The following DNAAF5 variants were observed in gnomAD, a reference collection of about 807,000 sequenced individuals.
DNAAF5 encodes the protein dynein axonemal assembly factor 5, also known as HEAT repeat containing 2.
DNAAF5 carries 64 observed loss-of-function variants against 75.8 expected under a neutral mutation model. The ratio of observed to expected loss-of-function variants is 0.84; its 90% CI spans 0.69 to 1.04. The LOEUF is 1.04. Ranked by LOEUF, DNAAF5 falls within the 50% of genes least tolerant of loss-of-function variation. The pLI, the probability that DNAAF5 is intolerant of heterozygous loss-of-function variation, is 0.00. For synonymous variants in DNAAF5, 657 were observed against 557.2 expected, an observed-to-expected ratio of 1.18 and a Z score of -2.52; for missense variants, 1,269 against 1,178.5, an observed-to-expected ratio of 1.08 and a Z score of -1.12.
intron 4 of DNAAF5, among the ~76,000 whole-genome samples, chr7:749,944 C>T (rs530089182): frequency 4.1e-4 from 63 of 152,306 alleles, no homozygotes; most frequent in African/African-American, 1.4e-3. Context: ...GGTGATCCAC[C>T]CGCCTTGGCC....
intron 12 of DNAAF5, among the ~76,000 whole-genome samples, chr7:782,763 C>A (rs111467906): frequency 4.8e-5 from 7 of 145,674 alleles, no homozygotes; most frequent in Non-Finnish European, 7.6e-5. Flanking sequence ...GAAACTCGAT[C>A]TTCCTGGCGT....
chr7:759,062 G>C (rs1269768265), intron 6 of DNAAF5, among the ~76,000 whole-genome samples: 1 of 152,164 alleles, frequency 6.6e-6, no homozygotes, highest in African/African-American at 2.4e-5. Flanking sequence ...TCAGGCCCGT[G>C]GTTCTGTGCT....
In DNAAF5 at chr7:737,044, C is replaced by A. The variant is rs546624334; in HGVS notation, c.781-3775C>A. On this transcript the variant is annotated intron_variant, in intron 2 of 12. Coordinates refer to ENST00000297440, the MANE Select transcript of DNAAF5 (RefSeq NM_017802.4). ...AACTTTTTGTTGTTTTTACTTATAT[C>A]TTTGTCTTGAAAAGTCATTGTAGTT... 3.1e-4 allele frequency among the ~76,000 whole-genome samples: 47 copies of A among 151,964 alleles called. 1 individual carries two copies. Among genetic ancestry groups the A allele is most frequent in the Admixed American group, 2.6e-3 (40 of 15,266 alleles).
Position 761,902 on chromosome 7 carries a change from G to A in DNAAF5, c.1614+6G>A. 2 of 1,565,290 alleles carry A rather than the reference G, an allele frequency of 1.3e-6. No homozygotes were observed. The highest frequency in any genetic ancestry group is 2.4e-5 in the South Asian group (2 of 84,972). Reference sequence around the variant, plus strand: ...CTACCGGCCTGAGGGACAAGGTAAGGCTGACAGTGGTGGCTGCTGCTTGAC... The same window carrying A: ...CTACCGGCCTGAGGGACAAGGTAAGACTGACAGTGGTGGCTGCTGCTTGAC... On this transcript the variant is annotated splice_donor_region_variant and intron_variant, in intron 7 of 12. Coordinates refer to ENST00000297440, the MANE Select transcript of DNAAF5 (RefSeq NM_017802.4).
rs1782540842 is a variant in DNAAF5, at chr7:758,003, CCT to C, written c.1470+1010_1470+1011del. Among the ~76,000 whole-genome samples the C allele has an allele frequency of 2.0e-5, 3 of 152,200 alleles. No homozygotes were observed. The South Asian group carries it at 6.2e-4, about 32-fold the overall frequency. On this transcript the variant is annotated intron_variant, in intron 6 of 12. Transcript: ENST00000297440. ...CATTTTTGTAAACTGTTTTAAGAAA[CCT>C]GTAAGCAGTTCCTGGAATACATAGA...
At chr7:732,406 C>T (rs1422934216) in intron 2 of DNAAF5, among the ~76,000 whole-genome samples, 1 of 152,264 alleles carries the variant, frequency 6.6e-6, no homozygotes, top group Non-Finnish European at 1.5e-5. Context: ...TGGACTTCGC[C>T]CTGCAGGGGT....
At chr7:767,470 T>C (rs1423086852) in intron 8 of DNAAF5, among the ~76,000 whole-genome samples, 2 of 152,316 alleles carry the variant, frequency 1.3e-5, no homozygotes, top group South Asian at 2.1e-4. Flanking sequence ...CCCAAAAATA[T>C]GCATCGGGGC....
intron 8 of DNAAF5, among the ~76,000 whole-genome samples, chr7:765,986 G>A (rs574629175): frequency 1.3e-4 from 20 of 152,212 alleles, no homozygotes; most frequent in Non-Finnish European, 2.8e-4. Flanking sequence ...CCACTACCAC[G>A]CCTGGCTAAT....
At chr7:779,848 C>T in intron 11 of DNAAF5, 105 bp from the exon 12 acceptor site, 1 of 977,098 alleles carries the variant, frequency 1.0e-6, no homozygotes, top group South Asian at 1.6e-5. Context: ...TCTTAGGACC[C>T]CAGGGCAGGT....
At chr7:753,699 G>A (rs111837536) in intron 4 of DNAAF5, among the ~76,000 whole-genome samples, 10 of 149,120 alleles carry the variant, frequency 6.7e-5, no homozygotes, top group African/African-American at 5.0e-5. Context: ...GGACGGCTTC[G>A]CAGGCGTGTC....
intron 3 of DNAAF5, 45 bp downstream of exon 3, chr7:740,988 T>C (rs757483743): frequency 2.9e-5 from 46 of 1,598,534 alleles, no homozygotes; most frequent in Non-Finnish European, 3.5e-5. Flanking sequence ...TAAACGGTCA[T>C]GTGTAGCAGT....
At chr7:756,634 C>T in intron 5 of DNAAF5, 148 bp from the exon 6 acceptor site, 1 of 703,030 alleles carries the variant, frequency 1.4e-6, no homozygotes, top group Non-Finnish European at 2.4e-6. Flanking sequence ...TTCCTGAGGG[C>T]TCTGAGCATG....
intron 4 of DNAAF5, among the ~76,000 whole-genome samples, chr7:747,276 G>A (rs79984421): frequency 4.6e-5 from 7 of 152,268 alleles, no homozygotes; most frequent in East Asian, 1.9e-4. Flanking sequence ...TCAGGCCAGC[G>A]TGTGGGGTGG....
chr7:748,630 C>T (rs1782194799), intron 4 of DNAAF5, among the ~76,000 whole-genome samples: 1 of 152,136 alleles, frequency 6.6e-6, no homozygotes, highest in Non-Finnish European at 1.5e-5. Flanking sequence ...CTGTTTCCTC[C>T]TGCCCCCTAC....
intron 4 of DNAAF5, among the ~76,000 whole-genome samples, chr7:745,231 C>T (rs1782046044): frequency 6.6e-6 from 1 of 152,210 alleles, no homozygotes; most frequent in South Asian, 2.1e-4. Flanking sequence ...TCTCCACGTG[C>T]TCACTGAGAA....
chr7:733,560 G>A lies in DNAAF5; in HGVS notation c.780+3713G>A, dbSNP rs1364575101. 2.6e-5 allele frequency among the ~76,000 whole-genome samples: 4 copies of A among 152,010 alleles called. No homozygotes were observed. The East Asian group carries it at 5.8e-4, about 22-fold the overall frequency. On this transcript the variant is annotated intron_variant, in intron 2 of 12. Coordinates refer to ENST00000297440, the MANE Select transcript of DNAAF5 (RefSeq NM_017802.4). ...CATCCAGGGTGGAGTGCAGTGGTGC[G>A]ATCTCTGCTTACTGCAAGCTCCGCC...
Position 737,086 on chromosome 7 carries a change from A to T in DNAAF5, c.781-3733A>T, listed in dbSNP as rs566759689. On this transcript the variant is annotated intron_variant, in intron 2 of 12. Coordinates refer to ENST00000297440, the MANE Select transcript of DNAAF5 (RefSeq NM_017802.4). ...ATTGTAGTTATTTTTATTTTTATTT[A>T]TTTATTTATTTTTATTGTTTTATTT... is the stretch of plus-strand genomic sequence containing the variant. 7.9e-5 allele frequency among the ~76,000 whole-genome samples: 12 copies of T among 151,362 alleles called. No individual in the cohort carries two copies. In the East Asian group the frequency reaches 2.3e-3, roughly 29 times the overall value.
chr7:756,864 C>T lies in DNAAF5; in HGVS notation c.1340C>T (p.Thr447Met), dbSNP rs369586981. 102 of 1,613,780 alleles carry T rather than the reference C, an allele frequency of 6.3e-5. 1 individual carries two copies. In the South Asian group the frequency reaches 1.0e-3, roughly 16 times the overall value. The change falls in exon 6 of 13, where the codon ACG becomes ATG. Residue 447 changes from threonine (T) to methionine (M), a missense_variant. Coordinates refer to ENST00000297440, the MANE Select transcript of DNAAF5 (RefSeq NM_017802.4). The stretch of plus-strand genomic sequence containing the variant: ...CTGATCTTATCGACGCTGAAGAAGA[C>T]GCCCTCTGCCTCCGGCCTCCTGGTG... Reference protein sequence around the residue: ...LKLILSTLKKTPSASGLLVLA... With the variant: ...LKLILSTLKKMPSASGLLVLA...
Position 745,048 on chromosome 7 carries a change from G to C in DNAAF5, c.1024+3583G>C, listed in dbSNP as rs73256297. On this transcript the variant is annotated intron_variant, in intron 4 of 12. Transcript: ENST00000297440. ...TCTGTCAGTGCCTCTCCCTCCAGCC[G>C]CCTGTGGTGGGCTTCTGCGTTGGTC... is the stretch of plus-strand genomic sequence containing the variant. 2.3e-3 allele frequency among the ~76,000 whole-genome samples: 351 copies of C among 152,308 alleles called. 1 individual carries two copies. Among genetic ancestry groups the C allele is most frequent in the African/African-American group, 8.2e-3 (339 of 41,568 alleles).
Sources: allele counts gnomAD v4.1 joint callset (sites outside exome capture counted in the v4.1 genomes callset), GRCh38; gene constraint gnomAD v4.1.1; transcripts MANE v1.5; gene names NCBI Gene and HGNC (gene_info 2026-07-23, HGNC 2026-07-21).